The following NUP153 variants were observed in gnomAD, a reference collection of about 807,000 sequenced individuals.
NUP153 encodes nucleoporin 153, also known as nuclear pore complex protein Nup153.
A neutral mutation model predicts 134.6 loss-of-function variants in NUP153; 27 were observed. The ratio of observed to expected loss-of-function variants is 0.20; its 90% CI spans 0.15 to 0.28. The LOEUF (loss-of-function observed/expected upper bound fraction) is 0.28, where lower values mean the gene tolerates loss of function less well. Ranked by LOEUF, NUP153 falls within the 10% of genes least tolerant of loss-of-function variation. The probability of loss-of-function intolerance (pLI) is 1.00; values close to 1 mark genes in which losing one functional copy is unlikely to be tolerated. For synonymous variants in NUP153, 640 were observed against 623.5 expected (o/e 1.03, Z -0.40); for missense variants, 1,821 against 1,731.3 (o/e 1.05, Z -0.92).
chr6:17,652,763 C>T (rs1439090548), intron 11 of NUP153, among the ~76,000 whole-genome samples: 3 of 152,160 alleles, frequency 2.0e-5, no homozygotes, highest in Non-Finnish European at 4.4e-5. Flanking sequence ...TGGCTCATGG[C>T]CTGTAATCCC....
chr6:17,679,423 G>T (rs888031625), intron 2 of NUP153, among the ~76,000 whole-genome samples: 2 of 152,156 alleles, frequency 1.3e-5, no homozygotes, highest in African/African-American at 2.4e-5. Context: ...ACTAAATATT[G>T]TTGGGATGTC....
At chr6:17,616,290 G>GGGGGGGGGGGGGGGGGCCCCC in intron 21 of NUP153, 109 bp from the exon 22 acceptor site, 1 of 473,882 alleles carries the variant, frequency 2.1e-6, no homozygotes, top group Non-Finnish European at 3.9e-6. Context: ...GGTGGGGGGG[G>GGGGGGGGGGGGGGGGGCCCCC]AGTAGACTCA....
chr6:17,652,247 TTTTC>T (rs142048960), intron 11 of NUP153, among the ~76,000 whole-genome samples: 6,005 of 152,100 alleles, frequency 0.039, 363 homozygotes, highest in East Asian at 0.29. Context: ...ACAGAATATA[TTTTC>T]TTTAAGAATT....
At chr6:17,655,053 C>A in intron 11 of NUP153, among the ~76,000 whole-genome samples, 1 of 152,170 alleles carries the variant, frequency 6.6e-6, no homozygotes, top group East Asian at 1.9e-4. Flanking sequence ...TTAAGTCTCT[C>A]CAAACTCAAG....
chr6:17,671,071 TG>T (rs2113829115), intron 5 of NUP153, among the ~76,000 whole-genome samples: 1 of 152,260 alleles, frequency 6.6e-6, no homozygotes, highest in African/African-American at 2.4e-5. Context: ...TCCAAAGTGC[TG>T]GGATTACAGG....
chr6:17,625,977 A>T lies in NUP153; in HGVS notation c.3732T>A (p.Ala1244=). ...PVSSSAFGNT[A]ESSTSQSLLF... The stretch of plus-strand genomic sequence containing the variant: ...GCAAAGACTGAGAGGTGCTGGATTC[A>T]GCAGTGTTACCAAAGGCAGAGCTGC... The change falls in exon 19 of 22, where the codon GCT becomes GCA. Residue 1244 remains alanine, a synonymous_variant. Transcript: ENST00000262077. This position sits in a 1 kb window ranked among gnomAD's most constrained non-coding sequence, Gnocchi z 4.7. 3 of 1,614,234 alleles carry T rather than the reference A, an allele frequency of 1.9e-6. No homozygotes were observed. Among genetic ancestry groups the T allele is most frequent in the Middle Eastern group, 1.6e-4 (1 of 6,062 alleles).
chr6:17,646,307 A>C (rs1304243953), intron 13 of NUP153, among the ~76,000 whole-genome samples, 153 bp from the exon 14 acceptor site: 2 of 151,918 alleles, frequency 1.3e-5, no homozygotes, highest in Non-Finnish European at 1.5e-5. Context: ...TCCCGGGTTC[A>C]CGCCATTCTC....
Position 17,628,894 on chromosome 6 carries a change from C to A in NUP153, c.3305G>T (p.Arg1102Met). ...AGGCTCTTGCTGTTTCTCTTCTGTC[C>A]TTCCCAAAACAAACACTGAGGCAGA... ...LPSASVFVLG[R>M]TEEKQQEPVT... Residue 1102 changes from arginine to methionine, a missense_variant, in exon 18 of 22, where the codon AGG (arginine) becomes ATG (methionine). Coordinates refer to ENST00000262077, the MANE Select transcript of NUP153 (RefSeq NM_005124.4). The surrounding 1 kb of genome is among the most constrained non-coding windows in gnomAD (Gnocchi z 5.4). The A allele has an allele frequency of 6.2e-7, 1 of 1,614,182 alleles. No homozygotes were observed. Among genetic ancestry groups the A allele is most frequent in the Non-Finnish European group, 8.5e-7 (1 of 1,180,038 alleles).
intron 21 of NUP153, 77 bp downstream of exon 21, chr6:17,616,450 A>C: frequency 1.6e-6 from 2 of 1,286,852 alleles, no homozygotes; most frequent in Non-Finnish European, 2.1e-6. Flanking sequence ...AATCTTGATG[A>C]CTTTTAAAAA....
rs142576733 is a variant in NUP153 at position 17,638,603 on chromosome 6, A to G, written c.1847-833T>C. Among the ~76,000 whole-genome samples, 50 of 152,364 alleles carry G rather than the reference A, an allele frequency of 3.3e-4. No homozygotes were observed. The highest frequency in any genetic ancestry group is 1.2e-3 in the African/African-American group (49 of 41,592). On this transcript the variant is annotated intron_variant, in intron 15 of 21. Coordinates refer to ENST00000262077, the MANE Select transcript of NUP153 (RefSeq NM_005124.4). This position sits in a 1 kb window ranked among gnomAD's most constrained non-coding sequence, Gnocchi z 4.0. ...AAATCACTAAGATTGGCAAGATATT[A>G]ACAGTAACCATCTCAAGGCATTACA...
rs771840762 is a variant in NUP153 at position 17,629,004 on chromosome 6, A to C, written c.3195T>G (p.Cys1065Trp). The change falls in exon 18 of 22, where the codon TGT becomes TGG. Residue 1065 changes from cysteine to tryptophan, a missense_variant. Coordinates refer to ENST00000262077, the MANE Select transcript of NUP153 (RefSeq NM_005124.4). ...TKSASVAPFT[C>W]KTSEAKKEEM... ...CTTCTTTTTTAGCTTCTGATGTCTT[A>C]CATGTGAAAGGAGCCACTGAAGCAC... 6 of 1,614,154 alleles carry C rather than the reference A, an allele frequency of 3.7e-6. No individual in the cohort carries two copies. In the South Asian group the frequency reaches 5.5e-5, roughly 15 times the overall value.
At chr6:17,624,540 A>C (rs777175701) in intron 20 of NUP153, 21 bp downstream of exon 20, 28 of 1,610,910 alleles carry the variant, frequency 1.7e-5, no homozygotes, top group Non-Finnish European at 2.4e-5. Flanking sequence ...ACAGATACTA[A>C]CAGCATCACA....
In NUP153 at chr6:17,625,745, AACTGAC is replaced by A; in HGVS notation, c.3901+57_3901+62del. The stretch of plus-strand genomic sequence containing the variant: ...AACCTGCTATATGATATTCGCTAAG[AACTGAC>A]ACACTAATAAGTAAAGTCCATCCAA... On this transcript the variant is annotated intron_variant, in intron 19 of 21. Transcript: ENST00000262077. This position sits in a 1 kb window ranked among gnomAD's most constrained non-coding sequence, Gnocchi z 4.7. 1 of 1,252,354 alleles carries A rather than the reference AACTGAC, an allele frequency of 8.0e-7. No homozygotes were observed. Among genetic ancestry groups the A allele is most frequent in the Admixed American group, 1.8e-5 (1 of 55,666 alleles). 77.6% of individuals were successfully genotyped at this position (1,252,354 alleles called of 1,614,324 possible).
At chr6:17,646,219 T>G in intron 13 of NUP153, 65 bp from the exon 14 acceptor site, 5 of 831,684 alleles carry the variant, frequency 6.0e-6, no homozygotes, top group Non-Finnish European at 9.8e-6. Context: ...AGCTTTTTTA[T>G]TCCCCCGAGA....
rs942467 is a variant in NUP153, at chr6:17,629,385, G to A, written c.2814C>T (p.Ser938=). 0.98 allele frequency: 1,578,820 copies of A among 1,613,946 alleles called. 774,611 individuals are homozygous for A. Among genetic ancestry groups the A allele is most frequent in the Non-Finnish European group, 1 (1,175,903 of 1,179,996 alleles). The part of the protein sequence containing the change: ...DQGGFKIGVS[S]DSGSINPMSE... Reference sequence around the variant, plus strand: ...TCATGGGGTTTATAGACCCAGAATCGGATGACACACCTATTTTGAATCCTC... The same window carrying A: ...TCATGGGGTTTATAGACCCAGAATCAGATGACACACCTATTTTGAATCCTC... The change falls in exon 18 of 22, where the codon TCC becomes TCT. Residue 938 remains serine (S), a synonymous_variant. Transcript: ENST00000262077.
In NUP153 at chr6:17,615,361, T is replaced by C. The variant is rs1471918633; in HGVS notation, c.*736A>G. On this transcript the variant is annotated 3_prime_UTR_variant, in exon 22 of 22. Coordinates refer to ENST00000262077, the MANE Select transcript of NUP153 (RefSeq NM_005124.4). This position sits in a 1 kb window ranked among gnomAD's most constrained non-coding sequence, Gnocchi z 5.7. ...AGACTAAACAAACAACAAAAAAATC[T>C]CTAACACAAAATTCAAATTTCAAGT... is the stretch of plus-strand genomic sequence containing the variant. 1.3e-5 allele frequency: 2 copies of C among 152,450 alleles called. No individual in the cohort carries two copies. The highest frequency in any genetic ancestry group is 2.9e-5 in the Non-Finnish European group (2 of 68,006). 9.4% of individuals were successfully genotyped at this position (152,450 alleles called of 1,614,324 possible). A position where few individuals can be genotyped will look rare whatever the true frequency, so the allele number is the denominator to read the frequency against.
chr6:17,684,485 T>TTTTGTAGCTAG (rs1320563635), intron 2 of NUP153, among the ~76,000 whole-genome samples: 1 of 152,250 alleles, frequency 6.6e-6, no homozygotes, highest in Non-Finnish European at 1.5e-5. Flanking sequence ...CTTAAGGGAA[T>TTTTGTAGCTAG]TTTGTAGCTA....
rs562085559 is a variant in NUP153 at position 17,655,219 on chromosome 6, G to C, written c.1396-5919C>G. Among the ~76,000 whole-genome samples the C allele has an allele frequency of 6.6e-5, 10 of 152,252 alleles. No homozygotes were observed. The South Asian group carries it at 2.1e-3, about 32-fold the overall frequency. On this transcript the variant is annotated intron_variant, in intron 11 of 21. Coordinates refer to ENST00000262077, the MANE Select transcript of NUP153 (RefSeq NM_005124.4). ...ATGACTACAATCCTTGCACATTTTA[G>C]AATCCAGGATAAGGTGAAAGGTAAA...
intron 1 of NUP153, among the ~76,000 whole-genome samples, chr6:17,699,969 T>C (rs1269444162): frequency 6.6e-6 from 1 of 152,188 alleles, no homozygotes; most frequent in African/African-American, 2.4e-5. Flanking sequence ...TTGTCACTTA[T>C]TAGAAAAATT....
Sources: allele counts gnomAD v4.1 joint callset (sites outside exome capture counted in the v4.1 genomes callset), GRCh38; gene constraint gnomAD v4.1.1; non-coding constraint Gnocchi (gnomAD v3.1); transcripts MANE v1.5; gene names NCBI Gene and HGNC (gene_info 2026-07-23, HGNC 2026-07-21).